Variants in LRATD1 observed in about 807,000 individuals in gnomAD.
LRATD1 encodes LRAT domain containing 1.
Under a neutral mutation model 21.3 loss-of-function variants are expected in LRATD1, and 8 were observed. That is an observed-to-expected ratio of 0.38 (90% CI 0.22 to 0.68). LRATD1 has a LOEUF of 0.68. LRATD1 is among the 30% of genes least tolerant of loss of function. The pLI is 0.54. For synonymous variants in LRATD1, 210 were observed against 186.2 expected, an observed-to-expected ratio of 1.13 and a Z score of -1.04; for missense variants, 380 against 404.0, an observed-to-expected ratio of 0.94 and a Z score of 0.51.
At chr2:14,651,661 T>C (rs532599995), downstream of LRATD1, among the ~76,000 whole-genome samples, 8 of 152,316 alleles carry the variant, frequency 5.3e-5, no homozygotes, top group African/African-American at 1.7e-4. Flanking sequence ...TCTTTTCATA[T>C]GTTGGTTAGT....
chr2:14,636,961 T>C lies in LRATD1; in HGVS notation c.*2103T>C, dbSNP rs145596559. On this transcript the variant is annotated 3_prime_UTR_variant, in exon 2 of 2. Transcript: ENST00000295092. ...ACTAAAGTATTTTTCTTAAGCCTAT[T>C]GAGTGATTTATTTTTTAAAAAATGT... The C allele has an allele frequency of 1.2e-5, 2 of 167,164 alleles. No homozygotes were observed. Among genetic ancestry groups the C allele is most frequent in the Admixed American group, 1.3e-4 (2 of 15,308 alleles). 10.4% of individuals were successfully genotyped at this position (167,164 alleles called of 1,614,324 possible).
At chr2:14,651,615 C>A (rs1264913962), downstream of LRATD1, among the ~76,000 whole-genome samples, 1 of 152,096 alleles carries the variant, frequency 6.6e-6, no homozygotes, top group Non-Finnish European at 1.5e-5. Flanking sequence ...TGGTTGTTTT[C>A]ATTTGTATTT....
downstream of LRATD1, among the ~76,000 whole-genome samples, chr2:14,643,476 T>A (rs1671839655): frequency 6.6e-6 from 1 of 152,184 alleles, no homozygotes; most frequent in Admixed American, 6.5e-5. Flanking sequence ...TGAAGCTTCA[T>A]CCCCTGATCT....
intron 2 of LRATD1, among the ~76,000 whole-genome samples, chr2:14,645,891 A>G (rs1024865082): frequency 1.3e-5 from 2 of 152,164 alleles, no homozygotes; most frequent in Non-Finnish European, 2.9e-5. Flanking sequence ...CTCATGACCA[A>G]CCTTGTGTCT....
rs1671693066 is a variant in LRATD1, at chr2:14,636,632, A to G, written c.*1774A>G. ...TTGATTCAGTGTGCTAGACACTTAA[A>G]TAGCATCTATGTCTCTTTCAAGGGA... On this transcript the variant is annotated 3_prime_UTR_variant, in exon 2 of 2. Coordinates refer to ENST00000295092, the MANE Select transcript of LRATD1 (RefSeq NM_145175.4). 6.0e-6 allele frequency: 1 copy of G among 167,154 alleles called. No individual in the cohort carries two copies. The highest frequency in any genetic ancestry group is 1.5e-5 in the Non-Finnish European group (1 of 68,126). 10.4% of individuals were successfully genotyped at this position (167,154 alleles called of 1,614,324 possible). A position where few individuals can be genotyped will look rare whatever the true frequency, so the allele number is the denominator to read the frequency against.
At position 14,637,191 on chromosome 2, in the gene LRATD1, C is replaced by A. The variant is rs969664457; in HGVS notation, c.*2333C>A. ...ACTGTGTCCTACTACTGTATCTTGGCTCCCTGCTGTATTAAACACCATCTT... is the reference window on the plus strand; with the variant it reads ...ACTGTGTCCTACTACTGTATCTTGGATCCCTGCTGTATTAAACACCATCTT... On this transcript the variant is annotated 3_prime_UTR_variant, in exon 2 of 2. Coordinates refer to ENST00000295092, the MANE Select transcript of LRATD1 (RefSeq NM_145175.4). The A allele has an allele frequency of 1.8e-5, 3 of 167,056 alleles. No homozygotes were observed. Among genetic ancestry groups the A allele is most frequent in the African/African-American group, 7.2e-5 (3 of 41,450 alleles). 10.3% of individuals were successfully genotyped at this position (167,056 alleles called of 1,614,324 possible). A position where few individuals can be genotyped will look rare whatever the true frequency, so the allele number is the denominator to read the frequency against.
downstream of LRATD1, among the ~76,000 whole-genome samples, chr2:14,651,188 A>G (rs1390564469): frequency 1.3e-5 from 2 of 151,724 alleles, no homozygotes; most frequent in African/African-American, 4.8e-5. Context: ...TGTGCTATGG[A>G]TCTCATATTG....
rs367691817 is a variant in LRATD1, at chr2:14,634,723, C to T, written c.744C>T (p.His248=). 13 of 1,559,244 alleles carry T rather than the reference C, an allele frequency of 8.3e-6. No homozygotes were observed. The highest frequency in any genetic ancestry group is 8.3e-5 in the South Asian group (7 of 84,020). ...PPQQQYYLKV[H]LGENKVHTAR... is the part of the protein sequence containing the mutation. ...AGCAGCAGTACTATCTCAAGGTGCA[C>T]CTGGGAGAGAACAAGGTCCACACCG... Residue 248 remains histidine, a synonymous_variant, in exon 2 of 2, where the codon CAC becomes CAT. Transcript: ENST00000295092.
chr2:14,633,239 G>C lies in LRATD1; in HGVS notation c.-37+302G>C, dbSNP rs1671596481. Among the ~76,000 whole-genome samples, 1 of 152,162 alleles carries C rather than the reference G, an allele frequency of 6.6e-6. No homozygotes were observed. The highest frequency in any genetic ancestry group is 1.5e-5 in the Non-Finnish European group (1 of 68,034). On this transcript the variant is annotated intron_variant, in intron 1 of 1. Coordinates refer to ENST00000295092, the MANE Select transcript of LRATD1 (RefSeq NM_145175.4). This position sits in a 1 kb window ranked among gnomAD's most constrained non-coding sequence, Gnocchi z 7.5. ...CCTGCCTGTGAGGGCAGGTGTGCCC[G>C]GGTGCTTGGGCGTACGTGCAACGGC...
At chr2:14,645,868 A>T (rs574456147) in intron 2 of LRATD1, among the ~76,000 whole-genome samples, 2 of 152,188 alleles carry the variant, frequency 1.3e-5, no homozygotes, top group African/African-American at 4.8e-5. Flanking sequence ...TATAGCTTAC[A>T]TAGTCAATTG....
At chr2:14,640,179 C>G (rs1198682521), downstream of LRATD1, 3 of 163,980 alleles carry the variant, frequency 1.8e-5, no homozygotes, top group Non-Finnish European at 4.4e-5. Flanking sequence ...CAAGATTATT[C>G]CTTCAGAAGG....
Position 14,635,103 on chromosome 2 carries a change from A to G in LRATD1, c.*245A>G, listed in dbSNP as rs1158372100. On this transcript the variant is annotated 3_prime_UTR_variant, in exon 2 of 2. Transcript: ENST00000295092. ...CTGGCTGACAGCCACAGCGGTGGTG[A>G]CGGTGCTGGGAGACCCCGCGTGCGC... is the stretch of plus-strand genomic sequence containing the variant. The G allele has an allele frequency of 2.4e-5, 17 of 710,994 alleles. No individual in the cohort carries two copies. Among genetic ancestry groups the G allele is most frequent in the Admixed American group, 1.2e-4 (6 of 48,884 alleles). 44.0% of individuals were successfully genotyped at this position (710,994 alleles called of 1,614,324 possible).
At chr2:14,644,187 T>C (rs186487233), downstream of LRATD1, among the ~76,000 whole-genome samples, 5 of 152,248 alleles carry the variant, frequency 3.3e-5, no homozygotes, top group African/African-American at 9.6e-5. Context: ...CACTATTAGC[T>C]ATAATCCATT....
rs1558255297 is a variant in LRATD1, at chr2:14,636,352, T to C, written c.*1494T>C. On this transcript the variant is annotated 3_prime_UTR_variant, in exon 2 of 2. Coordinates refer to ENST00000295092, the MANE Select transcript of LRATD1 (RefSeq NM_145175.4). ...TGTTGTATATCATTACCATTTCACA[T>C]ACGCGTTTCTATTTTTCTTCCTCTC... is the stretch of plus-strand genomic sequence containing the variant. 1 of 167,094 alleles carries C rather than the reference T, an allele frequency of 6.0e-6. No homozygotes were observed. The highest frequency in any genetic ancestry group is 2.1e-4 in the South Asian group (1 of 4,836). The allele number at this position is 167,094 out of a possible 1,614,324, so 10.4% of individuals were successfully genotyped here.
Position 14,637,435 on chromosome 2 carries a change from A to G in LRATD1, c.*2577A>G, listed in dbSNP as rs896318296. On this transcript the variant is annotated 3_prime_UTR_variant, in exon 2 of 2. Coordinates refer to ENST00000295092, the MANE Select transcript of LRATD1 (RefSeq NM_145175.4). ...TATACTTGCTGAGGCTAGACTGACAATAAAAATGAGCTGGGCAGTTAAATT... is the reference window on the plus strand; with the variant it reads ...TATACTTGCTGAGGCTAGACTGACAGTAAAAATGAGCTGGGCAGTTAAATT... The G allele has an allele frequency of 3.0e-5, 5 of 167,062 alleles. No individual in the cohort carries two copies. Among genetic ancestry groups the G allele is most frequent in the Non-Finnish European group, 7.3e-5 (5 of 68,120 alleles). The allele number at this position is 167,062 out of a possible 1,614,324, so 10.3% of individuals were successfully genotyped here.
At chr2:14,643,024 T>G (rs1306609717), downstream of LRATD1, among the ~76,000 whole-genome samples, 1 of 152,154 alleles carries the variant, frequency 6.6e-6, no homozygotes, top group African/African-American at 2.4e-5. Flanking sequence ...AAAAAAAGTG[T>G]CAAAATTCTA....
chr2:14,649,336 G>A (rs1414406801), exon 5 of LRATD1: 1 of 456,394 alleles, frequency 2.2e-6, no homozygotes, highest in Non-Finnish European at 4.4e-6. Context: ...TTGGATCTTT[G>A]TCTCATGGAT....
rs1192564865 is a variant in LRATD1 at position 14,636,543 on chromosome 2, TG to T, written c.*1687del. 6.0e-6 allele frequency: 1 copy of T among 167,136 alleles called. No homozygotes were observed. Among genetic ancestry groups the T allele is most frequent in the Non-Finnish European group, 1.5e-5 (1 of 68,156 alleles). The allele number at this position is 167,136 out of a possible 1,614,324, so 10.4% of individuals were successfully genotyped here. On this transcript the variant is annotated 3_prime_UTR_variant, in exon 2 of 2. Transcript: ENST00000295092. ...AAGGCTGGGTGTGAAACACCTTCTG[TG>T]GACAAGGATTTGTAAACTTCTCTCC... is the stretch of plus-strand genomic sequence containing the variant.
downstream of LRATD1, among the ~76,000 whole-genome samples, chr2:14,644,915 T>G (rs1558257632): frequency 6.6e-6 from 1 of 152,106 alleles, no homozygotes; most frequent in Non-Finnish European, 1.5e-5. Context: ...TTTTCCAAAG[T>G]AGAAATAATA....
Sources: allele counts gnomAD v4.1 joint callset (sites outside exome capture counted in the v4.1 genomes callset), GRCh38; gene constraint gnomAD v4.1.1; non-coding constraint Gnocchi (gnomAD v3.1); transcripts MANE v1.5; gene names NCBI Gene and HGNC (gene_info 2026-07-23, HGNC 2026-07-21).